Variants in ZCCHC9 observed in about 807,000 individuals in gnomAD.
ZCCHC9 encodes zinc finger CCHC-type containing 9.
In ZCCHC9, 18 loss-of-function variants were observed where a neutral mutation model predicts 30.8. The observed-to-expected ratio is 0.58, with a 90% CI of 0.40 to 0.87. The LOEUF (loss-of-function observed/expected upper bound fraction) is 0.87, where lower values mean the gene tolerates loss of function less well. ZCCHC9 is among the 40% of genes least tolerant of loss of function. The pLI, the probability that ZCCHC9 is intolerant of heterozygous loss-of-function variation, is 0.00. For missense variants in ZCCHC9, 279 were observed against 331.2 expected (o/e 0.84, Z 1.22); for synonymous variants, 94 against 106.7 (o/e 0.88, Z 0.73).
intron 4 of ZCCHC9, among the ~76,000 whole-genome samples, chr5:81,310,480 A>T (rs1758245751): frequency 6.6e-6 from 1 of 152,184 alleles, no homozygotes; most frequent in South Asian, 2.1e-4. Context: ...TTTGGGGGAA[A>T]AAAAAAAGAA....
At position 81,312,854 on chromosome 5, in the gene ZCCHC9, G is replaced by A; in HGVS notation, c.*192G>A. 4.8e-6 allele frequency: 2 copies of A among 412,938 alleles called. No homozygotes were observed. The highest frequency in any genetic ancestry group is 3.8e-5 in the East Asian group (1 of 26,158). The allele number at this position is 412,938 out of a possible 1,614,324, so 25.6% of individuals were successfully genotyped here. ...CTTCTACCACTGTTTGGAGAAAATT[G>A]AAGAAAAGAATAAGATGATTAAATG... On this transcript the variant is annotated 3_prime_UTR_variant, in exon 6 of 6. Coordinates refer to ENST00000407610, the MANE Select transcript of ZCCHC9 (RefSeq NM_001131035.2).
chr5:81,304,888 C>G lies in ZCCHC9; in HGVS notation c.131C>G (p.Ala44Gly). ...CTACCAAAGCGTAAACAACTTGAAG[C>G]CAATAGGCTATCCCTCAAAAATGAT... ...QNLPKRKQLE[A>G]NRLSLKNDAP... Residue 44 changes from alanine (A) to glycine (G), a missense_variant, in exon 2 of 6, where the codon GCC (alanine) becomes GGC (glycine). Coordinates refer to ENST00000407610, the MANE Select transcript of ZCCHC9 (RefSeq NM_001131035.2). 1 of 1,613,948 alleles carries G rather than the reference C, an allele frequency of 6.2e-7. No homozygotes were observed. Among genetic ancestry groups the G allele is most frequent in the Middle Eastern group, 1.6e-4 (1 of 6,062 alleles).
chr5:81,305,405 C>A (rs1758059872), intron 2 of ZCCHC9, among the ~76,000 whole-genome samples: 1 of 152,102 alleles, frequency 6.6e-6, no homozygotes, highest in South Asian at 2.1e-4. Flanking sequence ...GATTAAATAA[C>A]CTGTGGAAGC....
intron 1 of ZCCHC9, chr5:81,302,143 G>C (rs1183000883): frequency 6.6e-6 from 1 of 152,568 alleles, no homozygotes; most frequent in Non-Finnish European, 1.5e-5. Flanking sequence ...TAGGAGCTGA[G>C]ACTTGGGGGG....
At chr5:81,306,744 T>G (rs1758093048) in intron 2 of ZCCHC9, among the ~76,000 whole-genome samples, 1 of 152,210 alleles carries the variant, frequency 6.6e-6, no homozygotes. Context: ...CAATCCCATC[T>G]ACATTAAACT....
At chr5:81,308,185 T>C (rs1758145684) in intron 2 of ZCCHC9, among the ~76,000 whole-genome samples, 1 of 152,080 alleles carries the variant, frequency 6.6e-6, no homozygotes, top group Non-Finnish European at 1.5e-5. Context: ...AAATTTTGAG[T>C]GACAGTTTTT....
intron 4 of ZCCHC9, among the ~76,000 whole-genome samples, chr5:81,310,571 C>G (rs1432041215): frequency 6.6e-6 from 1 of 152,052 alleles, no homozygotes; most frequent in East Asian, 1.9e-4. Flanking sequence ...AATGCTTGAC[C>G]ATTAAGCAAT....
At chr5:81,311,300 C>T (rs1036511716) in intron 5 of ZCCHC9, 21 bp downstream of exon 5, 1 of 1,611,176 alleles carries the variant, frequency 6.2e-7, no homozygotes, top group Non-Finnish European at 8.5e-7. Context: ...TGGGCCTCTA[C>T]TTAGAAGGGG....
At chr5:81,303,196 C>A (rs573708051) in intron 1 of ZCCHC9, 3 of 152,210 alleles carry the variant, frequency 2.0e-5, no homozygotes, top group African/African-American at 7.2e-5. Context: ...GAGTGCGCCA[C>A]CACGCCCAGC....
chr5:81,305,676 T>C (rs1758066185), intron 2 of ZCCHC9, among the ~76,000 whole-genome samples: 2 of 151,906 alleles, frequency 1.3e-5, no homozygotes, highest in Non-Finnish European at 2.9e-5. Context: ...GGCAGGAGGA[T>C]TGGGCCTGGG....
Position 81,308,758 on chromosome 5 carries a change from T to C in ZCCHC9, c.535+47T>C, listed in dbSNP as rs771054415. On this transcript the variant is annotated intron_variant, in intron 3 of 5. Transcript: ENST00000407610. ...TTGTTTTGTTCATGGGGAAAGCCAA[T>C]AAATAGCACCTTGGGTATTTTTTTA... The C allele has an allele frequency of 3.8e-6, 6 of 1,572,230 alleles. No homozygotes were observed. The South Asian group carries it at 7.2e-5, about 19-fold the overall frequency.
chr5:81,304,681 A>G, intron 1 of ZCCHC9, 60 bp from the exon 2 acceptor site: 1 of 1,448,426 alleles, frequency 6.9e-7, no homozygotes, highest in Non-Finnish European at 9.3e-7. Context: ...ATGTCTCTTT[A>G]GTTTTGTTGT....
intron 1 of ZCCHC9, chr5:81,302,186 T>C (rs10052929): frequency 0.46 from 70,712 of 152,392 alleles, 17,253 homozygotes; most frequent in African/African-American, 0.58. Context: ...AAGGTGATAA[T>C]TTAGGCCGGG....
intron 3 of ZCCHC9, 110 bp downstream of exon 3, chr5:81,308,821 A>C (rs1758173831): frequency 7.0e-7 from 1 of 1,431,470 alleles, no homozygotes; most frequent in Non-Finnish European, 9.4e-7. Flanking sequence ...AGTATTTGGA[A>C]ATCATATGAG....
intron 1 of ZCCHC9, chr5:81,303,815 G>A (rs1758023798): frequency 6.6e-6 from 1 of 152,088 alleles, no homozygotes; most frequent in South Asian, 2.1e-4. Flanking sequence ...GTGTGCAGTC[G>A]CTGTTGACCT....
chr5:81,306,590 G>A (rs568870967), intron 2 of ZCCHC9, among the ~76,000 whole-genome samples: 323 of 152,138 alleles, frequency 2.1e-3, no homozygotes, highest in South Asian at 6.6e-3. Context: ...TTTAAAAAGG[G>A]GAGTGCTATA....
Position 81,305,042 on chromosome 5 carries a change from C to T in ZCCHC9, c.285C>T (p.Asp95=). Residue 95 remains aspartate (D), a synonymous_variant, in exon 2 of 6, where the codon GAC becomes GAT. Coordinates refer to ENST00000407610, the MANE Select transcript of ZCCHC9 (RefSeq NM_001131035.2). ...MVHNGQIIAT[D]SEEVREEIAV... Reference sequence around the variant, plus strand: ...ACAATGGGCAAATTATAGCAACAGACAGTGAGGAAGTAAGGGAAGAAATTG... The same window carrying T: ...ACAATGGGCAAATTATAGCAACAGATAGTGAGGAAGTAAGGGAAGAAATTG... 6.2e-7 allele frequency: 1 copy of T among 1,613,972 alleles called. No individual in the cohort carries two copies. The highest frequency in any genetic ancestry group is 8.5e-7 in the Non-Finnish European group (1 of 1,180,008).
Position 81,313,205 on chromosome 5 carries a change from G to C in ZCCHC9, c.*543G>C, listed in dbSNP as rs1397383518. ...TTCTCGATTGAAATATCCATTGTTC[G>C]TTAATATCCATGTAACAATCCCATT... On this transcript the variant is annotated 3_prime_UTR_variant, in exon 6 of 6. Coordinates refer to ENST00000407610, the MANE Select transcript of ZCCHC9 (RefSeq NM_001131035.2). The C allele has an allele frequency of 6.6e-6, 1 of 151,974 alleles. No homozygotes were observed. Among genetic ancestry groups the C allele is most frequent in the Admixed American group, 6.6e-5 (1 of 15,246 alleles). The allele number at this position is 151,974 out of a possible 1,614,324, so 9.4% of individuals were successfully genotyped here.
chr5:81,308,022 A>ATCTATCTGTCT (rs571429540), intron 2 of ZCCHC9, among the ~76,000 whole-genome samples: 2 of 68,360 alleles, frequency 2.9e-5, no homozygotes, highest in African/African-American at 1.1e-4. Flanking sequence ...AAAAAAAAAA[A>ATCTATCTGTCT]ATCTATCTAT....
Sources: gnomAD v4.1 joint callset for allele counts (sites outside exome capture counted in the v4.1 genomes callset) on GRCh38, gnomAD v4.1.1 for gene constraint, MANE v1.5 for transcripts, NCBI Gene and HGNC (gene_info 2026-07-23, HGNC 2026-07-21) for gene names.